ANKFN1: variants seen among roughly 807,000 people sequenced by gnomAD.
The protein encoded by ANKFN1 is ankyrin repeat and fibronectin type-III domain-containing protein 1.
ANKFN1 carries 74 observed loss-of-function variants against 108.7 expected under a neutral mutation model. The ratio of observed to expected loss-of-function variants is 0.68; its 90% CI spans 0.56 to 0.83. The LOEUF (loss-of-function observed/expected upper bound fraction) is 0.83, where lower values mean the gene tolerates loss of function less well. ANKFN1 is among the 40% of genes least tolerant of loss of function. The pLI is 0.00. For missense variants in ANKFN1, 1,505 were observed against 1,382.3 expected (o/e 1.09, Z -1.41); for synonymous variants, 547 against 516.2 (o/e 1.06, Z -0.81).
intron 3 of ANKFN1, among the ~76,000 whole-genome samples, chr17:56,251,961 CA>C (rs1252910693): frequency 6.6e-6 from 1 of 152,162 alleles, no homozygotes; most frequent in Non-Finnish European, 1.5e-5. Context: ...GGATGAATTG[CA>C]GAGATATCTG....
chr17:56,214,375 C>T (rs994351739), intron 2 of ANKFN1, among the ~76,000 whole-genome samples: 4 of 152,156 alleles, frequency 2.6e-5, no homozygotes, highest in African/African-American at 9.7e-5. Context: ...GGGCTGCTGC[C>T]TTTCTAAGCC....
chr17:56,056,844 G>A (rs536509744), intron 4 of ANKFN1, among the ~76,000 whole-genome samples: 3 of 152,294 alleles, frequency 2.0e-5, no homozygotes, highest in African/African-American at 7.2e-5. Context: ...AAAAATAACA[G>A]TGAAGTTTGC....
At chr17:56,264,787 T>G (rs2043606677) in intron 3 of ANKFN1, among the ~76,000 whole-genome samples, 1 of 152,216 alleles carries the variant, frequency 6.6e-6, no homozygotes, top group African/African-American at 2.4e-5. Context: ...CATTGGGCTG[T>G]TAACAATGAC....
At chr17:56,372,539 ATTT>A (rs5821127) in intron 6 of ANKFN1, 104 bp from the exon 7 acceptor site, 3,170 of 777,658 alleles carry the variant, frequency 4.1e-3, no homozygotes, top group East Asian at 6.8e-3. Context: ...TTTCCCAGGC[ATTT>A]TTTTTTTTTT....
intron 4 of ANKFN1, among the ~76,000 whole-genome samples, chr17:56,341,467 G>A (rs1263035653): frequency 6.6e-6 from 1 of 152,070 alleles, no homozygotes; most frequent in African/African-American, 2.4e-5. Context: ...TTATTATTTT[G>A]AGGTATGTTC....
intron 19 of ANKFN1, among the ~76,000 whole-genome samples, chr17:56,496,759 CT>C (rs1304440845): frequency 6.6e-6 from 1 of 152,074 alleles, no homozygotes; most frequent in Non-Finnish European, 1.5e-5. Context: ...GTAATATTTA[CT>C]TCGTATCATA....
At chr17:56,380,254 T>C (rs1012268417) in intron 8 of ANKFN1, among the ~76,000 whole-genome samples, 4 of 152,224 alleles carry the variant, frequency 2.6e-5, no homozygotes, top group African/African-American at 4.8e-5. Context: ...GACATTTAGT[T>C]GCGGGACAGT....
chr17:56,446,858 T>A (rs1463637409), intron 10 of ANKFN1, among the ~76,000 whole-genome samples: 1 of 152,004 alleles, frequency 6.6e-6, no homozygotes, highest in African/African-American at 2.4e-5. Flanking sequence ...TGAGCTAAGA[T>A]CGCACCACTG....
chr17:56,368,036 T>C, intron 6 of ANKFN1: 1 of 400,930 alleles, frequency 2.5e-6, no homozygotes, highest in Admixed American at 5.1e-5. Context: ...ATCTTTAAAA[T>C]AAGGAAGTTG....
intron 8 of ANKFN1, among the ~76,000 whole-genome samples, chr17:56,388,034 ACT>A (rs1293239765): frequency 2.0e-5 from 3 of 148,952 alleles, no homozygotes; most frequent in Non-Finnish European, 4.5e-5. Context: ...CATTCTTCCT[ACT>A]CTCTTCTTCT....
intron 3 of ANKFN1, among the ~76,000 whole-genome samples, chr17:56,314,961 C>G (rs919298538): frequency 2.6e-5 from 4 of 152,196 alleles, no homozygotes; most frequent in Non-Finnish European, 4.4e-5. Context: ...ACCTGATACC[C>G]TCTCAGGCAG....
At chr17:56,049,067 T>C (rs1904729192) in intron 4 of ANKFN1, among the ~76,000 whole-genome samples, 1 of 152,242 alleles carries the variant, frequency 6.6e-6, no homozygotes, top group Non-Finnish European at 1.5e-5. Context: ...CCCTATCAAA[T>C]CAGATTTGTA....
At chr17:56,485,823 C>T (rs1476659250) in intron 18 of ANKFN1, among the ~76,000 whole-genome samples, 3 of 152,074 alleles carry the variant, frequency 2.0e-5, no homozygotes, top group Non-Finnish European at 4.4e-5. Flanking sequence ...ATAAGAATCA[C>T]TTGGAGAGTT....
intron 4 of ANKFN1, among the ~76,000 whole-genome samples, chr17:56,107,339 C>T (rs1361353989): frequency 6.6e-6 from 1 of 152,078 alleles, no homozygotes; most frequent in African/African-American, 2.4e-5. Flanking sequence ...TCAAAATGCT[C>T]CATCCATGTC....
Position 56,346,448 on chromosome 17 carries a change from G to A in ANKFN1, c.189-4318G>A, listed in dbSNP as rs2046102287. ...AAGAAAGTCAATGGTAACTTGATGG[G>A]ACAGGCCACTGCTTTTACCATGAAT... On this transcript the variant is annotated intron_variant, in intron 4 of 20. Transcript: ENST00000682825. Among the ~76,000 whole-genome samples, 3 of 151,940 alleles carry A rather than the reference G, an allele frequency of 2.0e-5. No individual in the cohort carries two copies. In the South Asian group the frequency reaches 6.2e-4, roughly 31 times the overall value.
At chr17:56,470,245 A>G (rs2050270486) in intron 15 of ANKFN1, among the ~76,000 whole-genome samples, 1 of 152,212 alleles carries the variant, frequency 6.6e-6, no homozygotes, top group African/African-American at 2.4e-5. Flanking sequence ...GCTGCAGTGA[A>G]CATACGTGTG....
At chr17:56,280,295 A>T (rs1420453123) in intron 3 of ANKFN1, among the ~76,000 whole-genome samples, 2 of 152,164 alleles carry the variant, frequency 1.3e-5, no homozygotes, top group African/African-American at 2.4e-5. Context: ...ACCCTCACTA[A>T]TGTGGGAGGG....
intron 9 of ANKFN1, 138 bp downstream of exon 9, chr17:56,440,562 T>C: frequency 1.7e-6 from 1 of 594,770 alleles, no homozygotes; most frequent in Non-Finnish European, 3.0e-6. Flanking sequence ...GCATGATATG[T>C]CTGGTATCTA....
intron 3 of ANKFN1, chr17:56,258,048 T>C (rs1472994151): frequency 6.6e-6 from 1 of 152,220 alleles, no homozygotes; most frequent in Admixed American, 6.5e-5. Flanking sequence ...CAGGCTCTTC[T>C]CTTGGAGGTT....
Sources: gnomAD v4.1 joint callset for allele counts (sites outside exome capture counted in the v4.1 genomes callset) on GRCh38, gnomAD v4.1.1 for gene constraint, MANE v1.5 for transcripts, NCBI Gene and HGNC (gene_info 2026-07-23, HGNC 2026-07-21) for gene names.